The following RPH3AL variants were observed in gnomAD, a reference collection of about 807,000 sequenced individuals.
The protein encoded by RPH3AL is rabphilin 3A like (without C2 domains).
Under a neutral mutation model 43.1 loss-of-function variants are expected in RPH3AL, and 38 were observed. That is an observed-to-expected ratio of 0.88 (90% confidence interval 0.68 to 1.15). The LOEUF (loss-of-function observed/expected upper bound fraction) is 1.15, where lower values mean the gene tolerates loss of function less well. Among genes scored for constraint, RPH3AL ranks in the 50% most tolerant of loss-of-function variants. The pLI, the probability that RPH3AL is intolerant of heterozygous loss-of-function variation, is 0.00. For synonymous variants in RPH3AL, 189 were observed against 176.3 expected, an observed-to-expected ratio of 1.07 and a Z score of -0.57; for missense variants, 462 against 423.2, an observed-to-expected ratio of 1.09 and a Z score of -0.81.
rs1567578053 is a variant in RPH3AL, at chr17:243,506, T to TACCTTCCTCTATTGAC, written c.613+3604_613+3605insGTCAATAGAGGAAGGT. 6.3e-3 allele frequency among the ~76,000 whole-genome samples: 818 copies of TACCTTCCTCTATTGAC among 130,400 alleles called. 44 individuals carry two copies. Among genetic ancestry groups the TACCTTCCTCTATTGAC allele is most frequent in the Non-Finnish European group, 0.011 (625 of 58,996 alleles). The allele number at this position is 130,400 out of a possible 152,430, so 85.5% of individuals were successfully genotyped here. ...TCTATTGACTACCTTCCTCTATTGA[T>TACCTTCCTCTATTGAC]TACCTTCCTCTATTGATTACCTTTC... On this transcript the variant is annotated intron_variant, in intron 7 of 9. Transcript: ENST00000331302.
chr17:231,856 C>G (rs529115136), intron 7 of RPH3AL, among the ~76,000 whole-genome samples: 17 of 152,254 alleles, frequency 1.1e-4, no homozygotes, highest in African/African-American at 3.9e-4. Context: ...TCCTGACCTC[C>G]GTGGTGTGGC....
At chr17:242,320 C>T (rs1555537380) in intron 7 of RPH3AL, among the ~76,000 whole-genome samples, 1 of 102,348 alleles carries the variant, frequency 9.8e-6, no homozygotes, top group African/African-American at 3.2e-5. Flanking sequence ...CTATTGACTA[C>T]CTTCCTCTAT....
chr17:226,670 G>A (rs1244472078), intron 7 of RPH3AL, among the ~76,000 whole-genome samples: 4 of 152,196 alleles, frequency 2.6e-5, no homozygotes, highest in Non-Finnish European at 5.9e-5. Context: ...GGGCTGCAAA[G>A]GAAGAAGCCT....
rs1235055007 is a variant in RPH3AL, at chr17:316,642, GACCTGCAGTGCCTGTGC to G, written c.351+2761_351+2777del. Among the ~76,000 whole-genome samples the G allele has an allele frequency of 5.7e-4, 76 of 132,506 alleles. 1 individual carries two copies. Among genetic ancestry groups the G allele is most frequent in the Non-Finnish European group, 1.0e-3 (65 of 64,300 alleles). The allele number at this position is 132,506 out of a possible 152,430, so 86.9% of individuals were successfully genotyped here. On this transcript the variant is annotated intron_variant, in intron 5 of 9. Coordinates refer to ENST00000331302, the MANE Select transcript of RPH3AL (RefSeq NM_006987.4). ...GTAGTCCCTGTACTCCACCTCCATT[GACCTGCAGTGCCTGTGC>G]TCCACCTCCATTGACCTGCAGTCCC...
At position 258,757 on chromosome 17, in the gene RPH3AL, G is replaced by GTTTTTTTTTTTTTTTT. The variant is rs372761475; in HGVS notation, c.439-11488_439-11473dup. ...TCAGCCATTTTGGGATAGTCAACCC[G>GTTTTTTTTTTTTTTTT]TTTTTTTTTTTTTTTTTTTTTGAGA... On this transcript the variant is annotated intron_variant, in intron 6 of 9. Coordinates refer to ENST00000331302, the MANE Select transcript of RPH3AL (RefSeq NM_006987.4). Among the ~76,000 whole-genome samples the GTTTTTTTTTTTTTTTT allele has an allele frequency of 4.0e-5, 4 of 98,770 alleles. 1 individual carries two copies. The allele number at this position is 98,770 out of a possible 152,430, so 64.8% of individuals were successfully genotyped here. A position where few individuals can be genotyped will look rare whatever the true frequency, so the allele number is the denominator to read the frequency against.
chr17:258,114 C>G (rs1555545011), intron 6 of RPH3AL, among the ~76,000 whole-genome samples: 1 of 152,202 alleles, frequency 6.6e-6, no homozygotes, highest in South Asian at 2.1e-4. Context: ...GCAATGTTCC[C>G]CTGTACGGAT....
chr17:301,758 C>T (rs117803101), intron 5 of RPH3AL, among the ~76,000 whole-genome samples: 32 of 152,260 alleles, frequency 2.1e-4, no homozygotes, highest in African/African-American at 6.3e-4. Flanking sequence ...AGTCCTGAGC[C>T]GAGCTGTGAC....
At chr17:253,277 G>A (rs1476523777) in intron 6 of RPH3AL, among the ~76,000 whole-genome samples, 1 of 152,144 alleles carries the variant, frequency 6.6e-6, no homozygotes, top group Non-Finnish European at 1.5e-5. Context: ...TGTTTAACGG[G>A]GAGTGGCCAG....
Position 235,898 on chromosome 17 carries a change from TACA to T in RPH3AL, c.613+11210_613+11212del, listed in dbSNP as rs747785790. ...CGAGGCTCTGCAGTAACAAGAGGGA[TACA>T]GGGTTCAAAGCTGGGGTCGGCCGAG... On this transcript the variant is annotated intron_variant, in intron 7 of 9. Transcript: ENST00000331302. 1.8e-3 allele frequency among the ~76,000 whole-genome samples: 254 copies of T among 142,312 alleles called. 1 individual carries two copies. Among genetic ancestry groups the T allele is most frequent in the South Asian group, 4.5e-3 (20 of 4,452 alleles). 93.4% of individuals were successfully genotyped at this position (142,312 alleles called of 152,430 possible).
intron 6 of RPH3AL, among the ~76,000 whole-genome samples, chr17:269,745 C>T (rs181602059): frequency 7.9e-5 from 12 of 152,318 alleles, no homozygotes; most frequent in African/African-American, 1.7e-4. Context: ...GGGAGTCCTT[C>T]GGTGTGCCTG....
chr17:312,232 T>G (rs1327338066), intron 5 of RPH3AL, among the ~76,000 whole-genome samples: 3 of 151,972 alleles, frequency 2.0e-5, no homozygotes, highest in Non-Finnish European at 2.9e-5. Context: ...CCCCAGGAGT[T>G]GAAGGCTGCA....
chr17:270,064 C>T (rs751110886), intron 6 of RPH3AL, among the ~76,000 whole-genome samples: 44 of 152,080 alleles, frequency 2.9e-4, no homozygotes, highest in Non-Finnish European at 5.7e-4. Flanking sequence ...GCCACAGAGG[C>T]GTGGGAGGCG....
intron 7 of RPH3AL, among the ~76,000 whole-genome samples, chr17:228,843 A>G (rs1282319750): frequency 6.6e-6 from 1 of 151,706 alleles, no homozygotes; most frequent in Non-Finnish European, 1.5e-5. Context: ...CCCTCTCTGG[A>G]CCCTTTTTCT....
intron 6 of RPH3AL, among the ~76,000 whole-genome samples, chr17:269,069 G>A (rs926396922): frequency 1.3e-4 from 20 of 152,156 alleles, no homozygotes; most frequent in South Asian, 6.2e-4. Flanking sequence ...TAGTAGAGAC[G>A]GGGTTTCACC....
chr17:272,761 G>A (rs982560069), intron 6 of RPH3AL, among the ~76,000 whole-genome samples: 14 of 83,682 alleles, frequency 1.7e-4, no homozygotes, highest in African/African-American at 4.9e-4. Flanking sequence ...TATTATTTAA[G>A]TCACACACAC....
At chr17:299,756 C>T (rs2043275472) in intron 5 of RPH3AL, among the ~76,000 whole-genome samples, 1 of 152,240 alleles carries the variant, frequency 6.6e-6, no homozygotes, top group African/African-American at 2.4e-5. Flanking sequence ...TGTTATTTAC[C>T]ACAACAGAGG....
intron 7 of RPH3AL, among the ~76,000 whole-genome samples, chr17:230,932 C>T (rs1298725683): frequency 2.0e-5 from 3 of 152,138 alleles, no homozygotes; most frequent in African/African-American, 7.2e-5. Context: ...GGGATCCACC[C>T]GCCTTGGCCT....
chr17:262,977 C>T (rs1243554123), intron 6 of RPH3AL, among the ~76,000 whole-genome samples: 2 of 152,234 alleles, frequency 1.3e-5, no homozygotes, highest in African/African-American at 4.8e-5. Context: ...ATGGTGGTCC[C>T]CTCCTCTCAG....
chr17:251,360 C>T (rs1382103247), intron 6 of RPH3AL, among the ~76,000 whole-genome samples: 1 of 152,220 alleles, frequency 6.6e-6, no homozygotes, highest in Non-Finnish European at 1.5e-5. Flanking sequence ...GTCTCCTCCC[C>T]CATTCCCAGA....
Sources: allele counts gnomAD v4.1 joint callset (sites outside exome capture counted in the v4.1 genomes callset), GRCh38; gene constraint gnomAD v4.1.1; transcripts MANE v1.5; gene names NCBI Gene and HGNC (gene_info 2026-07-23, HGNC 2026-07-21).